The following SCHIP1 variants were observed in gnomAD, a reference collection of about 807,000 sequenced individuals.
SCHIP1 encodes schwannomin-interacting protein 1.
A neutral mutation model predicts 29.7 loss-of-function variants in SCHIP1; 8 were observed. The ratio of observed to expected loss-of-function variants is 0.27; its 90% CI spans 0.16 to 0.49. The LOEUF (loss-of-function observed/expected upper bound fraction) is 0.49. Ranked by LOEUF, SCHIP1 falls within the 20% of genes least tolerant of loss-of-function variation. The probability of loss-of-function intolerance (pLI) is 0.99; values close to 1 mark genes in which losing one functional copy is unlikely to be tolerated. For missense variants in SCHIP1, 193 were observed against 294.6 expected (o/e 0.66, Z 2.52); for synonymous variants, 76 against 94.9 (o/e 0.80, Z 1.16).
chr3:159,636,735 A>G, the SCHIP1 span, among the ~76,000 whole-genome samples: 3 of 152,356 alleles, frequency 2.0e-5, no homozygotes, highest in South Asian at 6.2e-4. Context: ...TTATCAAGGG[A>G]CTACACGTTT....
chr3:159,771,633 C>T, the SCHIP1 span, among the ~76,000 whole-genome samples: 4 of 150,336 alleles, frequency 2.7e-5, no homozygotes, highest in South Asian at 2.1e-4. Context: ...AAAGGCTGCT[C>T]TGTCTACTGG....
chr3:159,335,320 G>T, the SCHIP1 span, among the ~76,000 whole-genome samples: 1 of 152,184 alleles, frequency 6.6e-6, no homozygotes, highest in African/African-American at 2.4e-5. Context: ...GTCTCTTTTA[G>T]TTTAGTCATT....
chr3:159,850,855 C>T (rs1409569278), intron 1 of SCHIP1, among the ~76,000 whole-genome samples: 1 of 152,176 alleles, frequency 6.6e-6, no homozygotes, highest in Non-Finnish European at 1.5e-5. Context: ...GTCCAGTCAC[C>T]TCACACCAGG....
the SCHIP1 span, among the ~76,000 whole-genome samples, chr3:159,281,113 A>T: frequency 7.5e-6 from 1 of 132,690 alleles, no homozygotes; most frequent in Admixed American, 7.6e-5. Context: ...CTCCCACATC[A>T]GTCTTTTTTG....
the SCHIP1 span, among the ~76,000 whole-genome samples, chr3:159,616,478 A>G: frequency 0.039 from 5,894 of 152,186 alleles, 388 homozygotes; most frequent in African/African-American, 0.13. Context: ...CTGACAGAGC[A>G]TAACCATATC....
intron 2 of SCHIP1, among the ~76,000 whole-genome samples, chr3:159,876,220 A>C (rs935758750): frequency 6.6e-6 from 1 of 152,168 alleles, no homozygotes; most frequent in African/African-American, 2.4e-5. Context: ...ACCATCGATC[A>C]TGAGGTGGTG....
chr3:159,391,402 A>T, the SCHIP1 span, among the ~76,000 whole-genome samples: 1 of 152,146 alleles, frequency 6.6e-6, no homozygotes, highest in Non-Finnish European at 1.5e-5. Context: ...TATATTCTCT[A>T]AGGAAAACCT....
chr3:159,503,067 A>C, the SCHIP1 span, among the ~76,000 whole-genome samples: 1 of 152,232 alleles, frequency 6.6e-6, no homozygotes, highest in African/African-American at 2.4e-5. Flanking sequence ...TCTGAGGAGC[A>C]GACTTTAACA....
the SCHIP1 span, among the ~76,000 whole-genome samples, chr3:159,735,206 G>A: frequency 6.6e-6 from 1 of 150,872 alleles, no homozygotes; most frequent in South Asian, 2.1e-4. Context: ...CCTCTTACAA[G>A]TATTTCAAAA....
At chr3:159,639,518 A>C in the SCHIP1 span, among the ~76,000 whole-genome samples, 1 of 152,174 alleles carries the variant, frequency 6.6e-6, no homozygotes, top group Non-Finnish European at 1.5e-5. Context: ...GACCCATAGA[A>C]AAGGTGTGTT....
the SCHIP1 span, among the ~76,000 whole-genome samples, chr3:159,610,704 T>C: frequency 6.6e-6 from 1 of 152,096 alleles, no homozygotes; most frequent in African/African-American, 2.4e-5. Context: ...AATCGTCTTT[T>C]GCTTGGACCA....
the SCHIP1 span, among the ~76,000 whole-genome samples, chr3:159,580,855 A>G: frequency 1.3e-5 from 2 of 152,194 alleles, no homozygotes; most frequent in Non-Finnish European, 1.5e-5. Flanking sequence ...AGTGGCAGAA[A>G]GAGAATCAAA....
chr3:159,345,991 C>T, the SCHIP1 span, among the ~76,000 whole-genome samples: 2 of 151,890 alleles, frequency 1.3e-5, no homozygotes, highest in African/African-American at 2.4e-5. Flanking sequence ...GTCAGGAGTT[C>T]GAGACCAGCC....
At chr3:159,458,896 T>G in the SCHIP1 span, among the ~76,000 whole-genome samples, 2 of 152,166 alleles carry the variant, frequency 1.3e-5, no homozygotes, top group African/African-American at 4.8e-5. Context: ...TACAGGGACT[T>G]TCCTGAGCTT....
the SCHIP1 span, among the ~76,000 whole-genome samples, chr3:159,531,131 T>G: frequency 6.6e-6 from 1 of 152,208 alleles, no homozygotes; most frequent in Non-Finnish European, 1.5e-5. Context: ...ATTTTTTAAT[T>G]GATAAAACCT....
the SCHIP1 span, among the ~76,000 whole-genome samples, chr3:159,547,271 TTTC>T: frequency 6.6e-6 from 1 of 152,306 alleles, no homozygotes; most frequent in African/African-American, 2.4e-5. Flanking sequence ...ATGGGGCTGT[TTTC>T]TTCTTGTAAA....
At chr3:159,505,877 G>A in the SCHIP1 span, among the ~76,000 whole-genome samples, 1 of 152,136 alleles carries the variant, frequency 6.6e-6, no homozygotes, top group South Asian at 2.1e-4. Flanking sequence ...ATCATTGTTG[G>A]GCATTTGGGT....
chr3:159,514,295 A>T, the SCHIP1 span, among the ~76,000 whole-genome samples: 1 of 152,248 alleles, frequency 6.6e-6, no homozygotes, highest in East Asian at 1.9e-4. Flanking sequence ...TTCTTTGCTG[A>T]TACATTTTCA....
chr3:159,469,414 A>G, the SCHIP1 span, among the ~76,000 whole-genome samples: 1 of 152,198 alleles, frequency 6.6e-6, no homozygotes, highest in African/African-American at 2.4e-5. Flanking sequence ...TGAAATTGGG[A>G]AATTTCTTAA....
Sources: allele counts gnomAD v4.1 joint callset (sites outside exome capture counted in the v4.1 genomes callset), GRCh38; gene constraint gnomAD v4.1.1; transcripts MANE v1.5; gene names NCBI Gene and HGNC (gene_info 2026-07-23, HGNC 2026-07-21).